Variants in R3HDM4 observed in about 807,000 individuals in gnomAD.
R3HDM4 encodes the protein R3H domain-containing protein 4.
In R3HDM4, 30 loss-of-function variants were observed where a neutral mutation model predicts 31.3. The observed-to-expected ratio is 0.96, with a 90% CI of 0.72 to 1.30. R3HDM4 has a LOEUF of 1.30. R3HDM4 is among the 50% of genes most tolerant of loss of function. The probability of loss-of-function intolerance (pLI) is 0.00; values close to 1 mark genes in which losing one functional copy is unlikely to be tolerated. For missense variants in R3HDM4, 444 were observed against 366.1 expected (o/e 1.21, Z -1.74); for synonymous variants, 196 against 156.6 (o/e 1.25, Z -1.88).
rs1246626354 is a variant in R3HDM4, at chr19:900,087, C to T, written c.535G>A (p.Val179Ile). Residue 179 changes from valine to isoleucine, a missense_variant, in exon 5 of 8, where the codon GTC (valine) becomes ATC (isoleucine). Coordinates refer to ENST00000361574, the MANE Select transcript of R3HDM4 (RefSeq NM_138774.4). ...FQRISRRLRAVLKRSRIPMET... is the reference protein window; with the variant it reads ...FQRISRRLRAILKRSRIPMET... ...ATGGGGATGCGGCTGCGCTTGAGGA[C>T]GGCTCGCAGACGCCGGCTGATGCGC... 4.3e-6 allele frequency: 7 copies of T among 1,610,238 alleles called. No homozygotes were observed. Among genetic ancestry groups the T allele is most frequent in the South Asian group, 2.2e-5 (2 of 90,896 alleles).
Position 899,415 on chromosome 19 carries a change from G to A in R3HDM4, c.703+25C>T. The A allele has an allele frequency of 6.2e-7, 1 of 1,613,038 alleles. No individual in the cohort carries two copies. Among genetic ancestry groups the A allele is most frequent in the South Asian group, 1.1e-5 (1 of 91,056 alleles). On this transcript the variant is annotated intron_variant, in intron 7 of 7. Coordinates refer to ENST00000361574, the MANE Select transcript of R3HDM4 (RefSeq NM_138774.4). The surrounding 1 kb of genome is among the most constrained non-coding windows in gnomAD (Gnocchi z 6.8). ...TCCCAGGTTGAGCTGGCCAACTTGG[G>A]GTCTTGGGGGCCACCGGCACTTACT...
At position 910,264 on chromosome 19, in the gene R3HDM4, G is replaced by A. The variant is rs564079872; in HGVS notation, c.71+2823C>T. 5.5e-4 allele frequency among the ~76,000 whole-genome samples: 83 copies of A among 152,080 alleles called. 2 individuals carry two copies. Among genetic ancestry groups the A allele is most frequent in the African/African-American group, 1.9e-3 (79 of 41,462 alleles). ...CGCTTGAACCTGGGAGGCAGAGGTT[G>A]CAGTGAGCCGAGATCGCACTACTGT... On this transcript the variant is annotated intron_variant, in intron 1 of 7. Transcript: ENST00000361574.
chr19:898,682 G>A lies in R3HDM4; in HGVS notation c.703+758C>T, dbSNP rs143238308. 7.1e-3 allele frequency among the ~76,000 whole-genome samples: 1,082 copies of A among 151,620 alleles called. 15 individuals are homozygous for A. Among genetic ancestry groups the A allele is most frequent in the African/African-American group, 0.025 (1,019 of 41,392 alleles). ...GCGCCTCAGCAGTCCCCTCTGCCTGGGACCCCCCCGTCCTCTACTCCCCAT... is the reference window on the plus strand; with the variant it reads ...GCGCCTCAGCAGTCCCCTCTGCCTGAGACCCCCCCGTCCTCTACTCCCCAT... On this transcript the variant is annotated intron_variant, in intron 7 of 7. Transcript: ENST00000361574.
chr19:901,423 T>G lies in R3HDM4; in HGVS notation c.350A>C (p.Glu117Ala). 1 of 1,605,122 alleles carries G rather than the reference T, an allele frequency of 6.2e-7. No homozygotes were observed. Among genetic ancestry groups the G allele is most frequent in the Non-Finnish European group, 8.5e-7 (1 of 1,179,120 alleles). The change falls in exon 3 of 8, where the codon GAG (glutamate) becomes GCG (alanine). Residue 117 changes from glutamate (E) to alanine (A), a missense_variant and splice_region_variant. Coordinates refer to ENST00000361574, the MANE Select transcript of R3HDM4 (RefSeq NM_138774.4). ...GAGTGAGGGGGTTGGGGGCCACACC[T>G]CCACATAGGTGGCGTTGTTGCAGGC... ...AEACNNATYV[E>A]VWNDFMNRSG...
rs748300180 is a variant in R3HDM4, at chr19:900,049, T to C, written c.561+12A>G. The C allele has an allele frequency of 6.2e-6, 10 of 1,609,040 alleles. No homozygotes were observed. The highest frequency in any genetic ancestry group is 8.5e-6 in the Non-Finnish European group (10 of 1,176,884). The stretch of plus-strand genomic sequence containing the variant: ...CAGGTAGAAAAGGGAGGCCCGGCAA[T>C]CCCCCACTCACCATGGGGATGCGGC... On this transcript the variant is annotated intron_variant, in intron 5 of 7. Transcript: ENST00000361574.
intron 1 of R3HDM4, among the ~76,000 whole-genome samples, chr19:905,207 CA>C (rs1001308787): frequency 7.4e-4 from 103 of 139,252 alleles, no homozygotes; most frequent in Middle Eastern, 3.8e-3. Flanking sequence ...GACTTGGCCT[CA>C]AAAAAAAAAA....
Position 899,913 on chromosome 19 carries a change from T to TGGGGG in R3HDM4, c.561+147_561+148insCCCCC. On this transcript the variant is annotated intron_variant, in intron 5 of 7. Transcript: ENST00000361574. The surrounding 1 kb of genome is among the most constrained non-coding windows in gnomAD (Gnocchi z 6.8). ...GTGCCCGCCTTCGTTGCCCCCGCCCTCCTACTCAGGGCCCTGGTGCCGCTG... is the reference window on the plus strand; with the variant it reads ...GTGCCCGCCTTCGTTGCCCCCGCCCTGGGGGCCTACTCAGGGCCCTGGTGCCGCTG... 1 of 890,776 alleles carries TGGGGG rather than the reference T, an allele frequency of 1.1e-6. No individual in the cohort carries two copies. 55.2% of individuals were successfully genotyped at this position (890,776 alleles called of 1,614,324 possible).
At chr19:908,989 C>A (rs1049140241) in intron 1 of R3HDM4, among the ~76,000 whole-genome samples, 1 of 152,366 alleles carries the variant, frequency 6.6e-6, no homozygotes, top group African/African-American at 2.4e-5. Context: ...TGTTGACACA[C>A]CTCCCAAGGG....
chr19:900,150 C>A lies in R3HDM4; in HGVS notation c.476-4G>T. 1 of 1,560,576 alleles carries A rather than the reference C, an allele frequency of 6.4e-7. No individual in the cohort carries two copies. The highest frequency in any genetic ancestry group is 8.7e-7 in the Non-Finnish European group (1 of 1,154,354). On this transcript the variant is annotated splice_region_variant and splice_polypyrimidine_tract_variant and intron_variant, in intron 4 of 7. Transcript: ENST00000361574. ...CGGGGTGTATAGGCGGGGTCCTCTG[C>A]AGGAGTGGGGGAACAAGGGGCAGTC...
chr19:897,203 A>C lies in R3HDM4; in HGVS notation c.*234T>G, dbSNP rs1049726409. 1.2e-5 allele frequency: 6 copies of C among 481,100 alleles called. No homozygotes were observed. The highest frequency in any genetic ancestry group is 2.2e-5 in the Non-Finnish European group (6 of 271,964). The allele number at this position is 481,100 out of a possible 1,614,324, so 29.8% of individuals were successfully genotyped here. A position where few individuals can be genotyped will look rare whatever the true frequency, so the allele number is the denominator to read the frequency against. On this transcript the variant is annotated 3_prime_UTR_variant, in exon 8 of 8. Coordinates refer to ENST00000361574, the MANE Select transcript of R3HDM4 (RefSeq NM_138774.4). ...ATGCCCAGGTCAGGTCTCCCCACCC[A>C]AACACAAGTCCCGGAGTGGGAAGCT...
chr19:900,950 G>A lies in R3HDM4; in HGVS notation c.354C>T (p.Val118=). Residue 118 remains valine (V), a splice_region_variant and synonymous_variant, in exon 4 of 8, where the codon GTC becomes GTT. Coordinates refer to ENST00000361574, the MANE Select transcript of R3HDM4 (RefSeq NM_138774.4). ...EACNNATYVE[V]WNDFMNRSGE... ...CGGAGCGGTTCATGAAATCGTTCCA[G>A]ACCTGGAAGAGAGGCAGGGAGGCAG... 1 of 1,590,750 alleles carries A rather than the reference G, an allele frequency of 6.3e-7. No individual in the cohort carries two copies. The highest frequency in any genetic ancestry group is 8.6e-7 in the Non-Finnish European group (1 of 1,168,668).
rs544191432 is a variant in R3HDM4, at chr19:910,848, G to A, written c.71+2239C>T. On this transcript the variant is annotated intron_variant, in intron 1 of 7. Coordinates refer to ENST00000361574, the MANE Select transcript of R3HDM4 (RefSeq NM_138774.4). ...ATTTAAAAATAATACTAGCCGGCGC[G>A]GTGGCTCACGCCTGTAATCCCAGCA... is the stretch of plus-strand genomic sequence containing the variant. Among the ~76,000 whole-genome samples the A allele has an allele frequency of 4.2e-3, 644 of 152,176 alleles. 7 individuals carry two copies. The highest frequency in any genetic ancestry group is 0.015 in the African/African-American group (612 of 41,518).
At chr19:904,286 C>T (rs1056299903) in intron 1 of R3HDM4, among the ~76,000 whole-genome samples, 26 of 152,186 alleles carry the variant, frequency 1.7e-4, no homozygotes, top group Non-Finnish European at 3.8e-4. Context: ...GCACAGGCGG[C>T]TCGGGTTTGC....
rs933153072 is a variant in R3HDM4 at position 901,078 on chromosome 19, G to C, written c.352-126C>G. 9 of 1,227,332 alleles carry C rather than the reference G, an allele frequency of 7.3e-6. No homozygotes were observed. The African/African-American group carries it at 1.2e-4, about 17-fold the overall frequency. 76.0% of individuals were successfully genotyped at this position (1,227,332 alleles called of 1,614,324 possible). The stretch of plus-strand genomic sequence containing the variant: ...GCTCCTGCGGTCACCTCTGTCCACT[G>C]AGGGGCCGCTGCTTGTGTCGGGCCC... On this transcript the variant is annotated intron_variant, in intron 3 of 7. Transcript: ENST00000361574.
intron 1 of R3HDM4, among the ~76,000 whole-genome samples, chr19:903,409 T>G (rs1427905330): frequency 7.0e-6 from 1 of 143,632 alleles, no homozygotes; most frequent in Non-Finnish European, 1.5e-5. Context: ...AGCCACTCAG[T>G]GTGGGGGGAA....
Position 897,424 on chromosome 19 carries a change from C to T in R3HDM4, c.*13G>A, listed in dbSNP as rs765752615. On this transcript the variant is annotated 3_prime_UTR_variant, in exon 8 of 8. Coordinates refer to ENST00000361574, the MANE Select transcript of R3HDM4 (RefSeq NM_138774.4). ...CTGGGCGAGGTGGCAGCGGGGTCTC[C>T]GCGGGGCCGCCATCAGCTGTGCTGC... is the stretch of plus-strand genomic sequence containing the variant. The T allele has an allele frequency of 1.8e-5, 29 of 1,585,114 alleles. No individual in the cohort carries two copies. The highest frequency in any genetic ancestry group is 3.4e-4 in the Middle Eastern group (2 of 5,966).
In R3HDM4 at chr19:902,920, C is replaced by T. The variant is rs985945016; in HGVS notation, c.72-790G>A. On this transcript the variant is annotated intron_variant, in intron 1 of 7. Coordinates refer to ENST00000361574, the MANE Select transcript of R3HDM4 (RefSeq NM_138774.4). ...TTGTGCCACCGCACTCCAGCCTGGG[C>T]GACGGAGTGAGACCTTGTCTCAAAA... 4.6e-5 allele frequency among the ~76,000 whole-genome samples: 7 copies of T among 152,056 alleles called. No individual in the cohort carries two copies. The South Asian group carries it at 8.3e-4, about 18-fold the overall frequency.
intron 1 of R3HDM4, among the ~76,000 whole-genome samples, chr19:911,912 G>A (rs1317048671): frequency 6.6e-6 from 1 of 151,778 alleles, no homozygotes; most frequent in East Asian, 1.9e-4. Flanking sequence ...AGGGGGCGCG[G>A]ACAAGCCCAG....
chr19:903,414 G>A (rs2145292394), intron 1 of R3HDM4, among the ~76,000 whole-genome samples: 1 of 152,290 alleles, frequency 6.6e-6, no homozygotes, highest in Admixed American at 6.5e-5. Context: ...CTCAGTGTGG[G>A]GGGAATAGGC....
Sources: gnomAD v4.1 joint callset for allele counts (sites outside exome capture counted in the v4.1 genomes callset) on GRCh38, gnomAD v4.1.1 for gene constraint, Gnocchi (gnomAD v3.1) non-coding constraint, MANE v1.5 for transcripts, NCBI Gene and HGNC (gene_info 2026-07-23, HGNC 2026-07-21) for gene names.